TSHZ2: variants seen among roughly 807,000 people sequenced by gnomAD.
TSHZ2 encodes teashirt zinc finger homeobox 2, also known as teashirt homolog 2.
A neutral mutation model predicts 74.4 loss-of-function variants in TSHZ2; 21 were observed. The ratio of observed to expected loss-of-function variants is 0.28; its 90% confidence interval spans 0.20 to 0.41. The LOEUF (loss-of-function observed/expected upper bound fraction) is 0.41. Among genes scored for constraint, TSHZ2 ranks in the 10% least tolerant of loss-of-function variants. The probability of loss-of-function intolerance (pLI) is 1.00; values close to 1 mark genes in which losing one functional copy is unlikely to be tolerated. For missense variants in TSHZ2, 1,244 were observed against 1,293.5 expected (o/e 0.96, Z 0.59); for synonymous variants, 540 against 515.3 (o/e 1.05, Z -0.65).
rs184355307 is a variant in TSHZ2 at position 53,246,323 on chromosome 20, G to A, written c.41-7176G>A. Reference sequence around the variant, plus strand: ...CTCCCAAAGTGCTGGGATTACAGGCGTGAGCCACTGCACCTGGTGCACTGT... The same window carrying A: ...CTCCCAAAGTGCTGGGATTACAGGCATGAGCCACTGCACCTGGTGCACTGT... On this transcript the variant is annotated intron_variant, in intron 1 of 2. Coordinates refer to ENST00000371497, the MANE Select transcript of TSHZ2 (RefSeq NM_173485.6). 3.9e-4 allele frequency among the ~76,000 whole-genome samples: 60 copies of A among 152,180 alleles called. 1 individual carries two copies. The highest frequency in any genetic ancestry group is 7.2e-4 in the Admixed American group (11 of 15,284).
intron 1 of TSHZ2, among the ~76,000 whole-genome samples, chr20:53,141,091 G>C (rs1475081001): frequency 6.6e-6 from 1 of 152,194 alleles, no homozygotes; most frequent in African/African-American, 2.4e-5. Flanking sequence ...ATCAGAAGCT[G>C]ACCACCAAGG....
At chr20:53,238,032 A>C (rs1487084813) in intron 1 of TSHZ2, among the ~76,000 whole-genome samples, 1 of 152,134 alleles carries the variant, frequency 6.6e-6, no homozygotes, top group East Asian at 1.9e-4. Flanking sequence ...AATATTTGCT[A>C]TCTAGAAATA....
intron 1 of TSHZ2, among the ~76,000 whole-genome samples, chr20:53,182,170 CT>C (rs1361569619): frequency 3.8e-5 from 5 of 130,180 alleles, no homozygotes; most frequent in South Asian, 2.5e-4. Flanking sequence ...CCTTTTCTTT[CT>C]TTCTTCCTTC....
intron 1 of TSHZ2, among the ~76,000 whole-genome samples, chr20:52,995,191 G>T (rs1047388522): frequency 1.3e-5 from 2 of 152,184 alleles, no homozygotes; most frequent in Non-Finnish European, 2.9e-5. Context: ...CACAGCTACA[G>T]ATACAGAGAC....
At chr20:53,407,141 C>G (rs1375594111) in intron 2 of TSHZ2, among the ~76,000 whole-genome samples, 1 of 152,200 alleles carries the variant, frequency 6.6e-6, no homozygotes, top group African/African-American at 2.4e-5. Flanking sequence ...TTTCTTTTCT[C>G]TTCCCCGCTG....
intron 1 of TSHZ2, among the ~76,000 whole-genome samples, chr20:53,193,585 A>G (rs944378820): frequency 7.2e-5 from 11 of 152,370 alleles, no homozygotes; most frequent in African/African-American, 2.6e-4. Flanking sequence ...CTAACCAAGA[A>G]GGTGCCTAGA....
chr20:53,453,994 A>T (rs1984936910), intron 2 of TSHZ2, among the ~76,000 whole-genome samples: 1 of 152,190 alleles, frequency 6.6e-6, no homozygotes, highest in Admixed American at 6.5e-5. Flanking sequence ...TCTCTCCAGG[A>T]AAATCAAGTC....
intron 2 of TSHZ2, among the ~76,000 whole-genome samples, chr20:53,273,856 C>T (rs1056517651): frequency 6.6e-6 from 1 of 152,218 alleles, no homozygotes; most frequent in African/African-American, 2.4e-5. Flanking sequence ...CTCAGCTTCA[C>T]ACTGTGGGGC....
At chr20:53,395,154 G>A (rs1274076652) in intron 2 of TSHZ2, among the ~76,000 whole-genome samples, 3 of 152,196 alleles carry the variant, frequency 2.0e-5, no homozygotes, top group Admixed American at 6.5e-5. Context: ...CCAGATCAAT[G>A]AAATAATGTC....
intron 2 of TSHZ2, among the ~76,000 whole-genome samples, chr20:53,380,580 C>T (rs1981821232): frequency 6.6e-6 from 1 of 152,118 alleles, no homozygotes; most frequent in African/African-American, 2.4e-5. Flanking sequence ...AGCTTGCATC[C>T]TTCATTTAAT....
At chr20:53,004,533 G>C (rs1022499032) in intron 1 of TSHZ2, among the ~76,000 whole-genome samples, 15 of 152,134 alleles carry the variant, frequency 9.9e-5, no homozygotes, top group African/African-American at 3.6e-4. Context: ...AACAAAAACA[G>C]AGAAAAGGCA....
Position 53,256,468 on chromosome 20 carries a change from G to A in TSHZ2, c.3010G>A (p.Val1004Met). The A allele has an allele frequency of 6.2e-7, 1 of 1,614,096 alleles. No homozygotes were observed. Residue 1004 changes from valine to methionine, a missense_variant, in exon 2 of 3, where the codon GTG (valine) becomes ATG (methionine). Val to Met is a conservative substitution (Grantham distance 21, BLOSUM62 1). Transcript: ENST00000371497. The surrounding 1 kb of genome is among the most constrained non-coding windows in gnomAD (Gnocchi z 4.3). ...FKCKLCCRTFVSKHAVKLHLS... is the reference protein window; with the variant it reads ...FKCKLCCRTFMSKHAVKLHLS... Reference sequence around the variant, plus strand: ...GTGTAAGTTGTGCTGTCGGACATTTGTGAGCAAACATGCGGTAAAACTCCA... The same window carrying A: ...GTGTAAGTTGTGCTGTCGGACATTTATGAGCAAACATGCGGTAAAACTCCA...
chr20:53,072,401 G>A (rs1000021059), intron 1 of TSHZ2, among the ~76,000 whole-genome samples: 1 of 152,166 alleles, frequency 6.6e-6, no homozygotes. Context: ...GTCCTACTAT[G>A]TTTCTCTCTT....
intron 2 of TSHZ2, among the ~76,000 whole-genome samples, chr20:53,347,934 G>A (rs1264109417): frequency 6.6e-6 from 1 of 151,984 alleles, no homozygotes; most frequent in Non-Finnish European, 1.5e-5. Flanking sequence ...ATATTTTCAT[G>A]ACCCCGAAAA....
rs1341798090 is a variant in TSHZ2 at position 52,972,393 on chromosome 20, C to G, written c.-901C>G. On this transcript the variant is annotated 5_prime_UTR_variant, in exon 1 of 3. Coordinates refer to ENST00000371497, the MANE Select transcript of TSHZ2 (RefSeq NM_173485.6). ...GCGGGATCGATGTTTGCTGGCATCG[C>G]CTCGCCCTGTCTTGTGTGTGTGTGC... 6.6e-6 allele frequency: 1 copy of G among 151,920 alleles called. No homozygotes were observed. The highest frequency in any genetic ancestry group is 1.5e-5 in the Non-Finnish European group (1 of 68,088). The allele number at this position is 151,920 out of a possible 1,614,324, so 9.4% of individuals were successfully genotyped here.
intron 1 of TSHZ2, among the ~76,000 whole-genome samples, chr20:53,032,111 T>G (rs1004669198): frequency 4.6e-5 from 7 of 152,218 alleles, no homozygotes; most frequent in Admixed American, 3.3e-4. Context: ...CTGCAATCTA[T>G]TCATTCTGTG....
At chr20:53,336,111 A>G (rs887394123) in intron 2 of TSHZ2, among the ~76,000 whole-genome samples, 1 of 152,244 alleles carries the variant, frequency 6.6e-6, no homozygotes, top group African/African-American at 2.4e-5. Context: ...AAATGCAAGC[A>G]TATGGAAGAT....
At chr20:53,436,534 T>TTC (rs1473863303) in intron 2 of TSHZ2, among the ~76,000 whole-genome samples, 1 of 104,436 alleles carries the variant, frequency 9.6e-6, no homozygotes, top group African/African-American at 4.1e-5. Flanking sequence ...TTTATTATTA[T>TTC]TATTATTATT....
chr20:53,197,071 T>G (rs1436948362), intron 1 of TSHZ2, among the ~76,000 whole-genome samples: 1 of 152,262 alleles, frequency 6.6e-6, no homozygotes, highest in African/African-American at 2.4e-5. Flanking sequence ...ATCCTCGTTT[T>G]CATTTTGTCA....
Sources: gnomAD v4.1 joint callset for allele counts (sites outside exome capture counted in the v4.1 genomes callset) on GRCh38, gnomAD v4.1.1 for gene constraint, Gnocchi (gnomAD v3.1) non-coding constraint, MANE v1.5 for transcripts, NCBI Gene and HGNC (gene_info 2026-07-23, HGNC 2026-07-21) for gene names.